Variants in MGRN1 observed in about 807,000 individuals in gnomAD.
MGRN1 encodes the protein E3 ubiquitin-protein ligase MGRN1.
A neutral mutation model predicts 69.2 loss-of-function variants in MGRN1; 29 were observed. The observed-to-expected ratio is 0.42, with a 90% CI of 0.31 to 0.57. The LOEUF (loss-of-function observed/expected upper bound fraction) is 0.57, where lower values mean the gene tolerates loss of function less well. Among genes scored for constraint, MGRN1 ranks in the 20% least tolerant of loss-of-function variants. MGRN1 has a pLI of 0.15. For missense variants in MGRN1, 998 were observed against 796.2 expected (o/e 1.25, Z -3.05); for synonymous variants, 470 against 344.2 (o/e 1.37, Z -4.04).
chr16:4,661,819 C>T (rs577115719), intron 5 of MGRN1, among the ~76,000 whole-genome samples: 6 of 152,256 alleles, frequency 3.9e-5, no homozygotes, highest in Admixed American at 6.5e-5. Context: ...GACTTGGTCT[C>T]CAGGCTTGTG....
chr16:4,647,340 C>T (rs1461136855), intron 1 of MGRN1, among the ~76,000 whole-genome samples: 1 of 152,184 alleles, frequency 6.6e-6, no homozygotes, highest in African/African-American at 2.4e-5. Context: ...CCCCTGGCCC[C>T]GCCCCGTAGG....
At chr16:4,656,065 C>T (rs2078530762) in intron 4 of MGRN1, among the ~76,000 whole-genome samples, 1 of 152,214 alleles carries the variant, frequency 6.6e-6, no homozygotes. Flanking sequence ...GCTTGGTGTG[C>T]CTTTGTCCAG....
At chr16:4,676,553 G>A (rs1253607892) in intron 10 of MGRN1, among the ~76,000 whole-genome samples, 3 of 152,190 alleles carry the variant, frequency 2.0e-5, no homozygotes, top group Admixed American at 6.5e-5. Flanking sequence ...CCTCACAGGC[G>A]CCCGAGGGCA....
intron 8 of MGRN1, among the ~76,000 whole-genome samples, chr16:4,668,895 C>T (rs1455039663): frequency 1.3e-5 from 2 of 152,156 alleles, no homozygotes; most frequent in African/African-American, 4.8e-5. Flanking sequence ...CATAGACACA[C>T]ATTCACTCGC....
intron 16 of MGRN1, among the ~76,000 whole-genome samples, chr16:4,684,589 T>C (rs841226): frequency 0.86 from 131,144 of 152,336 alleles, 56,651 homozygotes; most frequent in East Asian, 1. Context: ...GCAGCAAGGC[T>C]GGGACAGAGG....
chr16:4,657,227 T>G lies in MGRN1; in HGVS notation c.444-19T>G. 1 of 1,609,076 alleles carries G rather than the reference T, an allele frequency of 6.2e-7. No individual in the cohort carries two copies. The highest frequency in any genetic ancestry group is 8.5e-7 in the Non-Finnish European group (1 of 1,175,766). ...CTCTTCCTGCCGCAGCCTCACTGCTTGCTCCTGGCTCCCTGCAGATACAGC... is the reference window on the plus strand; with the variant it reads ...CTCTTCCTGCCGCAGCCTCACTGCTGGCTCCTGGCTCCCTGCAGATACAGC... On this transcript the variant is annotated intron_variant, in intron 4 of 16. Coordinates refer to ENST00000262370, the MANE Select transcript of MGRN1 (RefSeq NM_015246.4).
intron 16 of MGRN1, 51 bp from the exon 17 acceptor site, chr16:4,688,745 G>GTGGCACCAGGCA: frequency 6.6e-7 from 1 of 1,506,906 alleles, no homozygotes. Context: ...AGCGGGTGGC[G>GTGGCACCAGGCA]TGGCACCAGG....
intron 16 of MGRN1, among the ~76,000 whole-genome samples, chr16:4,685,560 A>C (rs1333974289): frequency 6.6e-6 from 1 of 152,230 alleles, no homozygotes; most frequent in Non-Finnish European, 1.5e-5. Context: ...GCTGCTGCTG[A>C]ATGCCAGCAG....
chr16:4,638,387 C>T (rs532600830), intron 1 of MGRN1, among the ~76,000 whole-genome samples: 21 of 152,038 alleles, frequency 1.4e-4, no homozygotes, highest in Non-Finnish European at 2.9e-4. Context: ...ATCACCTGAA[C>T]CCGGGAGGCA....
chr16:4,648,052 G>T (rs1246572089), intron 1 of MGRN1, among the ~76,000 whole-genome samples: 1 of 152,172 alleles, frequency 6.6e-6, no homozygotes, highest in Non-Finnish European at 1.5e-5. Context: ...TCCCGCTGAA[G>T]GCCCCGGGAA....
At position 4,664,733 on chromosome 16, in the gene MGRN1, G is replaced by A. The variant is rs369031220; in HGVS notation, c.586G>A (p.Val196Met). 53 of 1,614,106 alleles carry A rather than the reference G, an allele frequency of 3.3e-5. 1 individual carries two copies. The highest frequency in any genetic ancestry group is 3.6e-5 in the Non-Finnish European group (43 of 1,180,054). The part of the protein sequence containing the change: ...DELNFDLDRG[V>M]FPVVIQAVVD... ...GCTGAACTTTGACCTGGACCGGGGC[G>A]TGTTTCCAGTAGTCATCCAGGCTGT... Residue 196 changes from valine (V) to methionine (M), a missense_variant, in exon 6 of 17, where the codon GTG (valine) becomes ATG (methionine). Transcript: ENST00000262370.
intron 1 of MGRN1, among the ~76,000 whole-genome samples, chr16:4,625,801 G>A (rs1897649087): frequency 6.6e-6 from 1 of 152,210 alleles, no homozygotes; most frequent in African/African-American, 2.4e-5. Flanking sequence ...GGAGCATCTA[G>A]CTCCAAGTCT....
chr16:4,678,620 T>C (rs1490378823), intron 11 of MGRN1, among the ~76,000 whole-genome samples: 1 of 152,016 alleles, frequency 6.6e-6, no homozygotes, highest in Non-Finnish European at 1.5e-5. Flanking sequence ...TGGCAGGGGC[T>C]GTGGTGGGCA....
intron 7 of MGRN1, 84 bp downstream of exon 7, chr16:4,665,235 G>T (rs2078775238): frequency 3.4e-6 from 5 of 1,479,224 alleles, no homozygotes; most frequent in Non-Finnish European, 3.7e-6. Flanking sequence ...CCTGAGCAGG[G>T]GCTGGGGCTT....
chr16:4,637,055 CT>C (rs1440635125), intron 1 of MGRN1, among the ~76,000 whole-genome samples: 2 of 135,464 alleles, frequency 1.5e-5, no homozygotes, highest in African/African-American at 5.7e-5. Context: ...GGAGGTGGAG[CT>C]TGCAGTGAGT....
intron 11 of MGRN1, among the ~76,000 whole-genome samples, chr16:4,678,094 G>C (rs538321618): frequency 6.6e-6 from 1 of 152,294 alleles, no homozygotes. Context: ...TGCTAGTCCT[G>C]CCTCAGCCTC....
chr16:4,669,488 G>T (rs773504540), intron 8 of MGRN1, among the ~76,000 whole-genome samples: 3 of 149,708 alleles, frequency 2.0e-5, no homozygotes, highest in Non-Finnish European at 4.4e-5. Flanking sequence ...AGAGCTCTAA[G>T]CTCTGGGACG....
chr16:4,632,921 AAAAAT>A (rs1898083395), intron 1 of MGRN1, among the ~76,000 whole-genome samples: 1 of 152,118 alleles, frequency 6.6e-6, no homozygotes, highest in Admixed American at 6.6e-5. Context: ...TGTCTCTACA[AAAAAT>A]AAAAAAATTA....
At chr16:4,684,310 G>C (rs75471152) in intron 16 of MGRN1, among the ~76,000 whole-genome samples, 2,449 of 152,342 alleles carry the variant, frequency 0.016, 31 homozygotes, top group Non-Finnish European at 0.025. Flanking sequence ...ATCACCACAT[G>C]TTCCCCCACT....
Sources: allele counts gnomAD v4.1 joint callset (sites outside exome capture counted in the v4.1 genomes callset), GRCh38; gene constraint gnomAD v4.1.1; transcripts MANE v1.5; gene names NCBI Gene and HGNC (gene_info 2026-07-23, HGNC 2026-07-21).